Variants in MSH3 observed in about 807,000 individuals in gnomAD.
MSH3 encodes mutS homolog 3.
A neutral mutation model predicts 123.3 loss-of-function variants in MSH3; 106 were observed. That is an observed-to-expected ratio of 0.86 (90% CI 0.73 to 1.01). The LOEUF is 1.01. Among genes scored for constraint, MSH3 ranks in the 50% least tolerant of loss-of-function variants. The probability of loss-of-function intolerance (pLI) is 0.00; values close to 1 mark genes in which losing one functional copy is unlikely to be tolerated. For missense variants in MSH3, 1,459 were observed against 1,347.6 expected (o/e 1.08, Z -1.29); for synonymous variants, 515 against 481.4 (o/e 1.07, Z -0.91).
At chr5:80,697,302 T>C (rs991330285) in intron 8 of MSH3, among the ~76,000 whole-genome samples, 1 of 152,242 alleles carries the variant, frequency 6.6e-6, no homozygotes, top group Non-Finnish European at 1.5e-5. Context: ...GCCTGAGTTA[T>C]ACAAGGTGTT....
intron 8 of MSH3, among the ~76,000 whole-genome samples, chr5:80,688,226 A>T (rs556167565): frequency 1.6e-4 from 24 of 152,382 alleles, no homozygotes; most frequent in Non-Finnish European, 2.9e-4. Flanking sequence ...GCTTGAACAC[A>T]TAAGTGCTTC....
At chr5:80,668,717 A>G (rs1198993388) in intron 3 of MSH3, among the ~76,000 whole-genome samples, 1 of 151,998 alleles carries the variant, frequency 6.6e-6, no homozygotes, top group Non-Finnish European at 1.5e-5. Flanking sequence ...GATTGCAGAG[A>G]TGCCCGGGTC....
intron 21 of MSH3, among the ~76,000 whole-genome samples, chr5:80,859,780 G>A (rs1299191307): frequency 2.9e-5 from 4 of 136,684 alleles, no homozygotes; most frequent in Admixed American, 7.6e-5. Context: ...ATCTTACTGT[G>A]TTGCCTAGGC....
intron 23 of MSH3, among the ~76,000 whole-genome samples, chr5:80,875,265 G>T (rs1024125996): frequency 6.6e-6 from 1 of 151,932 alleles, no homozygotes; most frequent in Non-Finnish European, 1.5e-5. Flanking sequence ...TTGGAACTCA[G>T]GTACTCTAGC....
At chr5:80,730,892 A>ATTTT (rs199809813) in intron 10 of MSH3, among the ~76,000 whole-genome samples, 1 of 105,462 alleles carries the variant, frequency 9.5e-6, no homozygotes, top group African/African-American at 3.3e-5. Flanking sequence ...ATATATATAT[A>ATTTT]TATTTTTTTT....
intron 15 of MSH3, among the ~76,000 whole-genome samples, chr5:80,770,389 G>A (rs1477873696): frequency 6.6e-6 from 1 of 151,808 alleles, no homozygotes; most frequent in Non-Finnish European, 1.5e-5. Context: ...GACCAATTAA[G>A]TTAAAATACA....
In MSH3 at chr5:80,670,276, A is replaced by T. The variant is rs1561436303; in HGVS notation, c.759A>T (p.Gly253=). 6.2e-7 allele frequency: 1 copy of T among 1,614,146 alleles called. No individual in the cohort carries two copies. Among genetic ancestry groups the T allele is most frequent in the Non-Finnish European group, 8.5e-7 (1 of 1,180,006 alleles). The part of the protein sequence containing the change: ...HKDAVLCVEC[G]YKYRFFGEDA... ...ATGCAGTTTTGTGTGTGGAATGTGGATATAAGTATAGATTCTTTGGGGAAG... is the reference window on the plus strand; with the variant it reads ...ATGCAGTTTTGTGTGTGGAATGTGGTTATAAGTATAGATTCTTTGGGGAAG... Residue 253 remains glycine, a synonymous_variant, in exon 4 of 24, where the codon GGA becomes GGT. Coordinates refer to ENST00000265081, the MANE Select transcript of MSH3 (RefSeq NM_002439.5).
intron 10 of MSH3, among the ~76,000 whole-genome samples, chr5:80,732,360 G>A (rs936773332): frequency 6.6e-6 from 1 of 152,016 alleles, no homozygotes; most frequent in Non-Finnish European, 1.5e-5. Flanking sequence ...AAGATAAACT[G>A]TAAAACCTTT....
At chr5:80,836,566 A>C (rs245376) in intron 20 of MSH3, among the ~76,000 whole-genome samples, 1 of 144,818 alleles carries the variant, frequency 6.9e-6, no homozygotes, top group African/African-American at 2.6e-5. Context: ...AAAAAAAAAA[A>C]GCTCTGAATT....
chr5:80,656,623 T>G, intron 2 of MSH3, 92 bp downstream of exon 2: 1 of 1,565,992 alleles, frequency 6.4e-7, no homozygotes, highest in Non-Finnish European at 8.7e-7. Flanking sequence ...GAATTGTGTC[T>G]TTTTTCTTTG....
chr5:80,656,361 G>A lies in MSH3; in HGVS notation c.238-50G>A, dbSNP rs771766491. 3 of 1,611,486 alleles carry A rather than the reference G, an allele frequency of 1.9e-6. No individual in the cohort carries two copies. In the South Asian group the frequency reaches 3.3e-5, roughly 18 times the overall value. On this transcript the variant is annotated intron_variant, in intron 1 of 23. Transcript: ENST00000265081. Reference sequence around the variant, plus strand: ...GTTTAAATTGCTTCACATACGTCAGGCCTTCTCAGAGTAGAGATAACACAT... The same window carrying A: ...GTTTAAATTGCTTCACATACGTCAGACCTTCTCAGAGTAGAGATAACACAT...
chr5:80,814,800 A>G (rs1048160185), intron 20 of MSH3, among the ~76,000 whole-genome samples: 1 of 152,216 alleles, frequency 6.6e-6, no homozygotes, highest in Admixed American at 6.5e-5. Context: ...CTCTATGAAC[A>G]TTACATGCAA....
intron 15 of MSH3, among the ~76,000 whole-genome samples, chr5:80,774,198 A>G (rs564609475): frequency 6.6e-6 from 1 of 152,216 alleles, no homozygotes; most frequent in Non-Finnish European, 1.5e-5. Context: ...TTATTTGCAG[A>G]GCACAGTTGG....
chr5:80,767,642 T>A (rs751545396), intron 13 of MSH3, among the ~76,000 whole-genome samples: 48 of 152,296 alleles, frequency 3.2e-4, no homozygotes, highest in Non-Finnish European at 4.9e-4. Context: ...TCACATTTTT[T>A]AACTTGTTTA....
intron 12 of MSH3, 57 bp from the exon 13 acceptor site, chr5:80,761,489 T>G: frequency 6.2e-7 from 1 of 1,600,844 alleles, no homozygotes; most frequent in Non-Finnish European, 8.6e-7. Flanking sequence ...GAGTGGGAAA[T>G]GTCTATATTC....
At chr5:80,854,898 A>G (rs1044694305) in intron 21 of MSH3, among the ~76,000 whole-genome samples, 2 of 152,150 alleles carry the variant, frequency 1.3e-5, no homozygotes, top group African/African-American at 4.8e-5. Flanking sequence ...TCTACAGCCA[A>G]ATTCCTCGAG....
intron 21 of MSH3, among the ~76,000 whole-genome samples, chr5:80,856,444 C>T (rs1009970418): frequency 1.3e-5 from 2 of 150,126 alleles, no homozygotes; most frequent in Admixed American, 6.7e-5. Flanking sequence ...AGCAAACTAT[C>T]GCAAGGACAA....
At chr5:80,851,438 T>C (rs1242755278) in intron 20 of MSH3, among the ~76,000 whole-genome samples, 1 of 152,160 alleles carries the variant, frequency 6.6e-6, no homozygotes, top group East Asian at 1.9e-4. Context: ...ATTTACATAT[T>C]TGGGTGTTTT....
intron 16 of MSH3, among the ~76,000 whole-genome samples, chr5:80,776,896 A>C (rs1045650783): frequency 3.4e-5 from 5 of 147,026 alleles, no homozygotes; most frequent in Admixed American, 6.9e-5. Context: ...ACATATATAC[A>C]AAAAATATAA....
Sources: gnomAD v4.1 joint callset for allele counts (sites outside exome capture counted in the v4.1 genomes callset) on GRCh38, gnomAD v4.1.1 for gene constraint, MANE v1.5 for transcripts, NCBI Gene and HGNC (gene_info 2026-07-23, HGNC 2026-07-21) for gene names.